BMAL2: variants seen among roughly 807,000 people sequenced by gnomAD.
BMAL2 encodes basic helix-loop-helix ARNT like 2.
the BMAL2 span, among the ~76,000 whole-genome samples, chr12:27,411,553 G>A: frequency 2.0e-5 from 3 of 152,212 alleles, no homozygotes; most frequent in Non-Finnish European, 2.9e-5. Context: ...AGGAATTCAA[G>A]TCTGCAGTGA....
the BMAL2 span, among the ~76,000 whole-genome samples, chr12:27,372,923 T>G: frequency 6.6e-6 from 1 of 152,176 alleles, no homozygotes; most frequent in African/African-American, 2.4e-5. Context: ...TCTGCCCACC[T>G]CGGCCTCCCA....
At chr12:27,360,803 C>CAAAAAAAAAAAAAA in the BMAL2 span, among the ~76,000 whole-genome samples, 2,623 of 46,738 alleles carry the variant, frequency 0.056, 647 homozygotes, top group Non-Finnish European at 0.068. Flanking sequence ...GTGATTTGTC[C>CAAAAAAAAAAAAAA]AAAAAAAAAA....
chr12:27,414,045 A>G, the BMAL2 span, among the ~76,000 whole-genome samples: 1 of 152,094 alleles, frequency 6.6e-6, no homozygotes, highest in Non-Finnish European at 1.5e-5. Flanking sequence ...TGTCTTGAAA[A>G]ACATGCAAAA....
At chr12:27,368,384 C>T in the BMAL2 span, 10 of 1,614,026 alleles carry the variant, frequency 6.2e-6, no homozygotes, top group Middle Eastern at 1.7e-4. Flanking sequence ...TCCACGAAAA[C>T]GCAAAGGAAG....
the BMAL2 span, among the ~76,000 whole-genome samples, chr12:27,396,436 G>A: frequency 6.6e-6 from 1 of 152,328 alleles, no homozygotes; most frequent in South Asian, 2.1e-4. Context: ...CTTTTAGAAG[G>A]TTGTGTAATT....
chr12:27,385,680 T>C, the BMAL2 span: 2 of 611,614 alleles, frequency 3.3e-6, no homozygotes, highest in Admixed American at 5.9e-5. Context: ...TTACACCGTA[T>C]TTCCTTTAAT....
the BMAL2 span, among the ~76,000 whole-genome samples, chr12:27,393,420 A>G: frequency 6.6e-6 from 1 of 152,182 alleles, no homozygotes; most frequent in East Asian, 1.9e-4. Flanking sequence ...ATTTCTAGCA[A>G]GCTCCCAGGT....
At chr12:27,424,236 G>T in the BMAL2 span, 1 of 152,082 alleles carries the variant, frequency 6.6e-6, no homozygotes, top group Non-Finnish European at 1.5e-5. Context: ...ATACCATAAG[G>T]ATATTTTTCC....
At chr12:27,386,169 T>C in the BMAL2 span, among the ~76,000 whole-genome samples, 1 of 152,198 alleles carries the variant, frequency 6.6e-6, no homozygotes, top group Non-Finnish European at 1.5e-5. Flanking sequence ...AAAAAGCCAC[T>C]CTTTTATTTG....
At chr12:27,409,635 G>A in the BMAL2 span, among the ~76,000 whole-genome samples, 2 of 152,126 alleles carry the variant, frequency 1.3e-5, no homozygotes, top group South Asian at 2.1e-4. Flanking sequence ...CTAAAACCAT[G>A]AAAACCCTAG....
the BMAL2 span, among the ~76,000 whole-genome samples, chr12:27,356,560 C>T: frequency 2.0e-5 from 3 of 151,952 alleles, no homozygotes; most frequent in Non-Finnish European, 2.9e-5. Context: ...AAAAGTAAGA[C>T]GTGATACTTA....
the BMAL2 span, among the ~76,000 whole-genome samples, chr12:27,340,184 T>A: frequency 1.3e-5 from 2 of 152,360 alleles, no homozygotes; most frequent in South Asian, 4.1e-4. Context: ...CCTGTTCCTA[T>A]GTCCAGAATG....
the BMAL2 span, among the ~76,000 whole-genome samples, chr12:27,396,471 C>G: frequency 1.8e-4 from 27 of 152,312 alleles, no homozygotes; most frequent in Admixed American, 9.8e-4. Flanking sequence ...TATAGAGTGA[C>G]AGAATCAGCA....
At chr12:27,361,239 C>T in the BMAL2 span, among the ~76,000 whole-genome samples, 14 of 152,208 alleles carry the variant, frequency 9.2e-5, 1 homozygote, top group East Asian at 5.8e-4. Flanking sequence ...GACTTCCAAA[C>T]GGCTGCTCAT....
At chr12:27,419,262 C>T in the BMAL2 span, among the ~76,000 whole-genome samples, 2 of 152,188 alleles carry the variant, frequency 1.3e-5, no homozygotes, top group Non-Finnish European at 2.9e-5. Context: ...CAGAATACCA[C>T]AGATGGAGTA....
At chr12:27,362,486 G>A in the BMAL2 span, among the ~76,000 whole-genome samples, 1 of 152,268 alleles carries the variant, frequency 6.6e-6, no homozygotes, top group Middle Eastern at 3.4e-3. Context: ...ACTGTTTAAA[G>A]AAGAAAGATA....
chr12:27,357,736 T>G, the BMAL2 span, among the ~76,000 whole-genome samples: 1 of 152,084 alleles, frequency 6.6e-6, no homozygotes, highest in Non-Finnish European at 1.5e-5. Context: ...CAACTGATCT[T>G]CGATAAACAA....
the BMAL2 span, among the ~76,000 whole-genome samples, chr12:27,391,377 C>G: frequency 6.6e-6 from 1 of 152,192 alleles, no homozygotes; most frequent in Admixed American, 6.5e-5. Context: ...TGATTTCATT[C>G]TTTTTTATGG....
the BMAL2 span, among the ~76,000 whole-genome samples, chr12:27,369,787 G>C: frequency 2.0e-5 from 3 of 152,216 alleles, no homozygotes. Context: ...GTTTGGGGGT[G>C]AAATGGAAAG....
Sources: gnomAD v4.1 joint callset for allele counts (sites outside exome capture counted in the v4.1 genomes callset) on GRCh38, gnomAD v4.1.1 for gene constraint, MANE v1.5 for transcripts, NCBI Gene and HGNC (gene_info 2026-07-23, HGNC 2026-07-21) for gene names.